Variants in MED27 observed in about 807,000 individuals in gnomAD.
The protein encoded by MED27 is mediator complex subunit 27, also known as mediator of RNA polymerase II transcription subunit 27.
MED27 carries 30 observed loss-of-function variants against 38.2 expected under a neutral mutation model. The observed-to-expected ratio is 0.79, with a 90% CI of 0.59 to 1.07. The LOEUF (loss-of-function observed/expected upper bound fraction) is 1.07. MED27 is among the 50% of genes least tolerant of loss of function. The probability of loss-of-function intolerance (pLI) is 0.00; values close to 1 mark genes in which losing one functional copy is unlikely to be tolerated. For missense variants in MED27, 289 were observed against 397.5 expected (o/e 0.73, Z 2.32); for synonymous variants, 122 against 153.5 (o/e 0.79, Z 1.52).
rs1405677839 is a variant in MED27, at chr9:131,884,081, A to G, written c.700T>C (p.Ser234Pro). 1.2e-6 allele frequency: 2 copies of G among 1,611,646 alleles called. No homozygotes were observed. Among genetic ancestry groups the G allele is most frequent in the Admixed American group, 1.7e-5 (1 of 59,684 alleles). The change falls in exon 6 of 8, where the codon TCC becomes CCC. Residue 234 changes from serine (S) to proline (P), a missense_variant. Coordinates refer to ENST00000292035, the MANE Select transcript of MED27 (RefSeq NM_004269.4). ...EDGKLDIWSKSNYQVFQKVTD... is the reference protein window; with the variant it reads ...EDGKLDIWSKPNYQVFQKVTD... The stretch of plus-strand genomic sequence containing the variant: ...ACCTTCTGGAATACTTGATAGTTGG[A>G]TTTGGACCATATATCAAGCTGAGGG...
intron 3 of MED27, among the ~76,000 whole-genome samples, chr9:131,986,244 C>T (rs1007539547): frequency 6.6e-6 from 1 of 152,182 alleles, no homozygotes; most frequent in Admixed American, 6.5e-5. Context: ...TACACCTTCA[C>T]ATTCACTCAC....
chr9:131,958,332 G>A (rs184919234), intron 3 of MED27, among the ~76,000 whole-genome samples: 22 of 150,074 alleles, frequency 1.5e-4, no homozygotes, highest in East Asian at 1.4e-3. Flanking sequence ...GCACACCTCC[G>A]CCTCCCGAGT....
At chr9:131,874,583 C>A (rs1018874165) in intron 6 of MED27, among the ~76,000 whole-genome samples, 4 of 152,100 alleles carry the variant, frequency 2.6e-5, no homozygotes, top group Admixed American at 6.5e-5. Context: ...GTGGACACTG[C>A]CTGGAAGGTG....
At chr9:131,873,678 G>A (rs2131465110) in intron 6 of MED27, among the ~76,000 whole-genome samples, 1 of 152,284 alleles carries the variant, frequency 6.6e-6, no homozygotes, top group African/African-American at 2.4e-5. Flanking sequence ...ATGCTGCTCT[G>A]GGATGAGACC....
intron 2 of MED27, among the ~76,000 whole-genome samples, chr9:132,035,160 A>G (rs1397002176): frequency 1.3e-5 from 2 of 152,230 alleles, no homozygotes; most frequent in African/African-American, 4.8e-5. Context: ...GGAGGCTTAG[A>G]GAAGCTGTCA....
At chr9:131,942,104 C>T (rs1295215097) in intron 3 of MED27, among the ~76,000 whole-genome samples, 1 of 152,062 alleles carries the variant, frequency 6.6e-6, no homozygotes, top group Non-Finnish European at 1.5e-5. Flanking sequence ...GGATTACAGG[C>T]GTGAACCACC....
chr9:131,872,275 C>T lies in MED27; in HGVS notation c.724-9135G>A, dbSNP rs1267335292. ...CCGAGCAGCGCCTGGGGGAGCTGAGCTTGAACAGAGACGCTCTTCCTAACG... is the reference window on the plus strand; with the variant it reads ...CCGAGCAGCGCCTGGGGGAGCTGAGTTTGAACAGAGACGCTCTTCCTAACG... On this transcript the variant is annotated intron_variant, in intron 6 of 7. Transcript: ENST00000292035. This position sits in a 1 kb window ranked among gnomAD's most constrained non-coding sequence, Gnocchi z 5.6. Among the ~76,000 whole-genome samples, 1 of 152,030 alleles carries T rather than the reference C, an allele frequency of 6.6e-6. No individual in the cohort carries two copies. Among genetic ancestry groups the T allele is most frequent in the Admixed American group, 6.5e-5 (1 of 15,270 alleles).
intron 4 of MED27, among the ~76,000 whole-genome samples, chr9:131,916,895 TGGGATTCTAGGG>T (rs1340552737): frequency 6.6e-5 from 10 of 152,018 alleles, no homozygotes; most frequent in East Asian, 1.9e-4. Context: ...CAGGCATAAA[TGGGATTCTAGGG>T]GCATAAAGGA....
chr9:132,036,097 AAAC>A (rs1348105739), intron 2 of MED27, among the ~76,000 whole-genome samples: 3 of 152,198 alleles, frequency 2.0e-5, no homozygotes, highest in Admixed American at 6.5e-5. Context: ...AAAAGCAAGA[AAAC>A]AAAAATATTC....
intron 2 of MED27, among the ~76,000 whole-genome samples, chr9:132,019,553 T>C (rs1832675444): frequency 6.6e-6 from 1 of 152,094 alleles, no homozygotes; most frequent in Non-Finnish European, 1.5e-5. Flanking sequence ...TGCCCCTAGA[T>C]GACTTCAAAT....
chr9:132,077,346 A>G (rs1483546314), intron 2 of MED27, 96 bp downstream of exon 2: 3 of 1,233,186 alleles, frequency 2.4e-6, no homozygotes, highest in Non-Finnish European at 3.4e-6. Flanking sequence ...CAAGAACATA[A>G]AAAGCAATAA....
chr9:131,939,325 T>C (rs747665261), intron 4 of MED27, 56 bp downstream of exon 4: 22 of 1,169,226 alleles, frequency 1.9e-5, no homozygotes, highest in Admixed American at 1.4e-4. Flanking sequence ...AGAGAGTTAA[T>C]TGTGAAGTCC....
intron 4 of MED27, among the ~76,000 whole-genome samples, chr9:131,922,471 C>T (rs1255559018): frequency 6.8e-6 from 1 of 146,562 alleles, no homozygotes; most frequent in Non-Finnish European, 1.5e-5. Context: ...GACACAGTCA[C>T]ACTCTGTCAC....
Position 131,861,250 on chromosome 9 carries a change from C to T in MED27, c.802-578G>A, listed in dbSNP as rs2131443546. Among the ~76,000 whole-genome samples the T allele has an allele frequency of 6.6e-6, 1 of 152,266 alleles. No individual in the cohort carries two copies. ...AATAACATCATAAGCAGCAAATCCA[C>T]ACTTGAATGGTTCAGAGTGCAGAGC... On this transcript the variant is annotated intron_variant, in intron 7 of 7. Coordinates refer to ENST00000292035, the MANE Select transcript of MED27 (RefSeq NM_004269.4). The surrounding 1 kb of genome is among the most constrained non-coding windows in gnomAD (Gnocchi z 4.4).
intron 2 of MED27, among the ~76,000 whole-genome samples, chr9:132,074,381 G>T (rs1235647852): frequency 1.3e-5 from 2 of 152,158 alleles, no homozygotes; most frequent in Non-Finnish European, 2.9e-5. Context: ...ACTTTTCTAT[G>T]GCCAACAGCA....
chr9:132,030,758 C>G (rs559832907), intron 2 of MED27, among the ~76,000 whole-genome samples: 1 of 152,222 alleles, frequency 6.6e-6, no homozygotes, highest in East Asian at 1.9e-4. Context: ...GAGCCAGAGG[C>G]CTTCCTGTTG....
At chr9:131,987,795 T>A (rs1295740964) in intron 3 of MED27, among the ~76,000 whole-genome samples, 1 of 151,734 alleles carries the variant, frequency 6.6e-6, no homozygotes, top group Admixed American at 6.6e-5. Context: ...CTGGAATGGG[T>A]ACAAGAAAAC....
At chr9:131,943,751 G>C (rs1830831182) in intron 3 of MED27, among the ~76,000 whole-genome samples, 1 of 152,152 alleles carries the variant, frequency 6.6e-6, no homozygotes, top group African/African-American at 2.4e-5. Flanking sequence ...TAATAACTTG[G>C]AAAGACTGCT....
intron 3 of MED27, among the ~76,000 whole-genome samples, chr9:131,966,088 G>A (rs1008617069): frequency 1.4e-5 from 2 of 147,498 alleles, no homozygotes; most frequent in Admixed American, 1.4e-4. Context: ...TTTGGCCAGG[G>A]GTGGTGGCTC....
Sources: allele counts gnomAD v4.1 joint callset (sites outside exome capture counted in the v4.1 genomes callset), GRCh38; gene constraint gnomAD v4.1.1; non-coding constraint Gnocchi (gnomAD v3.1); transcripts MANE v1.5; gene names NCBI Gene and HGNC (gene_info 2026-07-23, HGNC 2026-07-21).